KIF11: variants seen among roughly 807,000 people sequenced by gnomAD.
The protein encoded by KIF11 is kinesin-like protein KIF11.
In KIF11, 9 loss-of-function variants were observed where a neutral mutation model predicts 121.0. That is an observed-to-expected ratio of 0.07 (90% CI 0.04 to 0.13). The LOEUF is 0.13. Among genes scored for constraint, KIF11 ranks in the 10% least tolerant of loss-of-function variants. The probability of loss-of-function intolerance (pLI) is 1.00; values close to 1 mark genes in which losing one functional copy is unlikely to be tolerated. For missense variants in KIF11, 846 were observed against 1,217.5 expected (o/e 0.69, Z 4.54); for synonymous variants, 408 against 421.0 (o/e 0.97, Z 0.38).
intron 14 of KIF11, among the ~76,000 whole-genome samples, chr10:92,634,234 C>T (rs182015346): frequency 8.5e-5 from 13 of 152,132 alleles, no homozygotes; most frequent in Non-Finnish European, 1.3e-4. Context: ...CCACCCGCCT[C>T]GGCCTCCCAA....
chr10:92,629,351 T>C (rs185687949), intron 11 of KIF11, among the ~76,000 whole-genome samples: 91 of 152,248 alleles, frequency 6.0e-4, no homozygotes, highest in Middle Eastern at 3.4e-3. Flanking sequence ...GTAAGTTATA[T>C]CATGATTTTT....
intron 21 of KIF11, among the ~76,000 whole-genome samples, chr10:92,652,430 G>A (rs936566730): frequency 2.6e-5 from 4 of 152,084 alleles, no homozygotes; most frequent in African/African-American, 7.2e-5. Context: ...GTGAGCCACC[G>A]CGCTCGGCCT....
chr10:92,593,221 A>G lies in KIF11; in HGVS notation c.-155A>G. 1 of 655,198 alleles carries G rather than the reference A, an allele frequency of 1.5e-6. No homozygotes were observed. The highest frequency in any genetic ancestry group is 2.6e-6 in the Non-Finnish European group (1 of 378,538). The allele number at this position is 655,198 out of a possible 1,614,324, so 40.6% of individuals were successfully genotyped here. Reference sequence around the variant, plus strand: ...GCCACGGCCAGAGTACCGGGTAGAGAGCGGGGACGCCGACCTGCGTGCGTC... The same window carrying G: ...GCCACGGCCAGAGTACCGGGTAGAGGGCGGGGACGCCGACCTGCGTGCGTC... On this transcript the variant is annotated 5_prime_UTR_variant, in exon 1 of 22. Transcript: ENST00000260731.
intron 1 of KIF11, chr10:92,597,032 C>A (rs1301192714): frequency 1.0e-5 from 4 of 394,610 alleles, no homozygotes; most frequent in Non-Finnish European, 2.0e-5. Context: ...GTTCCTGGAT[C>A]TCCAAACCAA....
At chr10:92,646,686 T>TG (rs1844924291) in intron 18 of KIF11, among the ~76,000 whole-genome samples, 1 of 152,156 alleles carries the variant, frequency 6.6e-6, no homozygotes, top group Non-Finnish European at 1.5e-5. Flanking sequence ...AAAAGAATAA[T>TG]GGCCATAATG....
chr10:92,633,707 T>C lies in KIF11; in HGVS notation c.1787T>C (p.Val596Ala). 6.3e-7 allele frequency: 1 copy of C among 1,594,840 alleles called. No individual in the cohort carries two copies. Among genetic ancestry groups the C allele is most frequent in the Non-Finnish European group, 8.6e-7 (1 of 1,162,922 alleles). Residue 596 changes from valine to alanine, a missense_variant, in exon 14 of 22, where the codon GTG (valine) becomes GCG (alanine). By Grantham distance (64) the Val-to-Ala change is moderately conservative. Coordinates refer to ENST00000260731, the MANE Select transcript of KIF11 (RefSeq NM_004523.4). ...TCTCTCACATCTATTCCAGAAAATG[T>C]GTCTACTCATGTTTCTCAGATTTTT... Reference protein sequence around the residue: ...LGSLTSIPENVSTHVSQIFNM... With the variant: ...LGSLTSIPENASTHVSQIFNM...
chr10:92,614,634 G>A (rs142288862), intron 8 of KIF11, among the ~76,000 whole-genome samples: 2 of 152,112 alleles, frequency 1.3e-5, no homozygotes, highest in African/African-American at 2.4e-5. Context: ...GTGAATGCTC[G>A]CTAGTGTGGT....
intron 19 of KIF11, among the ~76,000 whole-genome samples, 175 bp downstream of exon 19, chr10:92,648,609 C>G (rs1844946254): frequency 6.6e-6 from 1 of 152,190 alleles, no homozygotes; most frequent in Admixed American, 6.6e-5. Context: ...AATCAAGTGT[C>G]ATGATACAGG....
At chr10:92,620,710 A>G (rs1353882088) in intron 9 of KIF11, among the ~76,000 whole-genome samples, 2 of 152,244 alleles carry the variant, frequency 1.3e-5, no homozygotes, top group African/African-American at 4.8e-5. Context: ...AAGGACGAGC[A>G]AGTCACATCT....
Position 92,649,926 on chromosome 10 carries a change from A to G in KIF11, c.2862A>G (p.Lys954=), listed in dbSNP as rs1456226326. The G allele has an allele frequency of 1.2e-6, 2 of 1,613,788 alleles. No individual in the cohort carries two copies. The highest frequency in any genetic ancestry group is 1.3e-5 in the African/African-American group (1 of 75,052). The change falls in exon 20 of 22, where the codon AAA becomes AAG. Residue 954 remains lysine (K), a synonymous_variant. Coordinates refer to ENST00000260731, the MANE Select transcript of KIF11 (RefSeq NM_004523.4). ...REHLLDQLKR[K]QPELLMMLNC... ...ATCTCCTTGATCAGCTGAAAAGGAAACAGCCTGAGCTGTTAATGATGCTAA... is the reference window on the plus strand; with the variant it reads ...ATCTCCTTGATCAGCTGAAAAGGAAGCAGCCTGAGCTGTTAATGATGCTAA...
chr10:92,639,999 C>A, intron 17 of KIF11, 99 bp downstream of exon 17: 1 of 608,032 alleles, frequency 1.6e-6, no homozygotes, highest in Non-Finnish European at 2.8e-6. Flanking sequence ...TGTGTACTTT[C>A]AAATTTCTCT....
In KIF11 at chr10:92,654,208, C is replaced by T. The variant is rs913448427; in HGVS notation, c.*412C>T. On this transcript the variant is annotated 3_prime_UTR_variant, in exon 22 of 22. Coordinates refer to ENST00000260731, the MANE Select transcript of KIF11 (RefSeq NM_004523.4). ...AATTTAAAAAAGATATAAGGCAGTA[C>T]TGTAAATTCAGTTGAATTTTGATAT... The T allele has an allele frequency of 6.5e-6, 1 of 153,058 alleles. No homozygotes were observed. Among genetic ancestry groups the T allele is most frequent in the African/African-American group, 2.4e-5 (1 of 41,456 alleles). The allele number at this position is 153,058 out of a possible 1,614,324, so 9.5% of individuals were successfully genotyped here.
At chr10:92,597,072 C>A in intron 1 of KIF11, 1 of 373,184 alleles carries the variant, frequency 2.7e-6, no homozygotes, top group East Asian at 7.6e-5. Flanking sequence ...GTTGTTCTTT[C>A]TTGATTCACA....
At chr10:92,601,294 G>A (rs1589587452) in intron 1 of KIF11, among the ~76,000 whole-genome samples, 1 of 151,936 alleles carries the variant, frequency 6.6e-6, no homozygotes, top group East Asian at 1.9e-4. Flanking sequence ...TACGCCTCCT[G>A]GGTTCAAACG....
intron 10 of KIF11, among the ~76,000 whole-genome samples, chr10:92,627,003 C>A (rs1406465037): frequency 6.6e-6 from 1 of 152,200 alleles, no homozygotes; most frequent in Non-Finnish European, 1.5e-5. Context: ...ACTTCGTGAT[C>A]TTCCCGCCTC....
intron 12 of KIF11, among the ~76,000 whole-genome samples, chr10:92,631,357 T>A (rs1355299463): frequency 6.7e-6 from 1 of 148,850 alleles, no homozygotes; most frequent in African/African-American, 2.5e-5. Context: ...GTATTTAATT[T>A]TTTTTTTTTT....
At chr10:92,622,056 A>T (rs917526714) in intron 10 of KIF11, among the ~76,000 whole-genome samples, 2 of 152,086 alleles carry the variant, frequency 1.3e-5, no homozygotes, top group Non-Finnish European at 2.9e-5. Flanking sequence ...CAGGCAGATC[A>T]CGTGAGGTTG....
At chr10:92,607,090 T>C in intron 3 of KIF11, 69 bp from the exon 4 acceptor site, 1 of 936,454 alleles carries the variant, frequency 1.1e-6, no homozygotes, top group Non-Finnish European at 1.7e-6. Context: ...TTTTTGTTTT[T>C]CTAGTCTATC....
In KIF11 at chr10:92,617,728, TTTTTTG is replaced by T. The variant is rs561238292; in HGVS notation, c.1128+914_1128+919del. On this transcript the variant is annotated intron_variant, in intron 9 of 21. Coordinates refer to ENST00000260731, the MANE Select transcript of KIF11 (RefSeq NM_004523.4). The stretch of plus-strand genomic sequence containing the variant: ...GTATAAAATGGTACTTCAGTACGGT[TTTTTTG>T]TTTTTGTTTTTGTTTTTTTTTTTGA... Among the ~76,000 whole-genome samples the T allele has an allele frequency of 2.0e-3, 301 of 149,450 alleles. 2 individuals carry two copies. Among genetic ancestry groups the T allele is most frequent in the African/African-American group, 7.4e-3 (289 of 39,128 alleles).
Sources: gnomAD v4.1 joint callset for allele counts (sites outside exome capture counted in the v4.1 genomes callset) on GRCh38, gnomAD v4.1.1 for gene constraint, MANE v1.5 for transcripts, NCBI Gene and HGNC (gene_info 2026-07-23, HGNC 2026-07-21) for gene names.